The following DNTT variants were observed in gnomAD, a reference collection of about 807,000 sequenced individuals.
The protein encoded by DNTT is nucleosidetriphosphate:DNA deoxynucleotidylexotransferase.
A neutral mutation model predicts 60.9 loss-of-function variants in DNTT; 47 were observed. That is an observed-to-expected ratio of 0.77 (90% CI 0.61 to 0.98). The LOEUF (loss-of-function observed/expected upper bound fraction) is 0.98. Among genes scored for constraint, DNTT ranks in the 50% least tolerant of loss-of-function variants. The probability of loss-of-function intolerance (pLI) is 0.00; values close to 1 mark genes in which losing one functional copy is unlikely to be tolerated. For synonymous variants in DNTT, 224 were observed against 221.2 expected, an observed-to-expected ratio of 1.01 and a Z score of -0.11; for missense variants, 665 against 627.5, an observed-to-expected ratio of 1.06 and a Z score of -0.64.
chr10:96,320,751 T>C lies in DNTT; in HGVS notation c.641T>C (p.Ile214Thr). ...ATCAGTATGAAGGACACAGAAGGAA[T>C]TCCCTGCCTGGGGTCCAAGGTGAAG... is the stretch of plus-strand genomic sequence containing the variant. ...TIISMKDTEG[I>T]PCLGSKVKGI... The change falls in exon 4 of 11, where the codon ATT becomes ACT. Residue 214 changes from isoleucine to threonine, a missense_variant. Transcript: ENST00000371174. The C allele has an allele frequency of 1.2e-6, 2 of 1,613,778 alleles. No individual in the cohort carries two copies. Among genetic ancestry groups the C allele is most frequent in the Non-Finnish European group, 1.7e-6 (2 of 1,179,746 alleles).
At chr10:96,309,609 C>CCA (rs1844685548) in intron 1 of DNTT, among the ~76,000 whole-genome samples, 1 of 152,202 alleles carries the variant, frequency 6.6e-6, no homozygotes, top group Non-Finnish European at 1.5e-5. Flanking sequence ...TTCTGTCTCA[C>CCA]TCATTATCCC....
At chr10:96,338,009 A>G in intron 10 of DNTT, 129 bp from the exon 11 acceptor site, 1 of 686,082 alleles carries the variant, frequency 1.5e-6, no homozygotes, top group Non-Finnish European at 2.4e-6. Flanking sequence ...TATACTCAGA[A>G]GCAGGGAATT....
At chr10:96,307,777 A>ATATATATT (rs768634575) in intron 1 of DNTT, among the ~76,000 whole-genome samples, 4 of 126,032 alleles carry the variant, frequency 3.2e-5, no homozygotes, top group African/African-American at 1.2e-4. Flanking sequence ...ATATATATAT[A>ATATATATT]TTTTTTTTTT....
intron 4 of DNTT, among the ~76,000 whole-genome samples, chr10:96,322,165 G>A (rs1048875202): frequency 7.2e-5 from 11 of 152,170 alleles, no homozygotes; most frequent in Non-Finnish European, 1.5e-4. Flanking sequence ...GTAAGTTTCT[G>A]TATAGTCAAG....
At chr10:96,337,447 C>T (rs555653481) in intron 10 of DNTT, among the ~76,000 whole-genome samples, 38 of 152,326 alleles carry the variant, frequency 2.5e-4, no homozygotes, top group African/African-American at 8.9e-4. Context: ...GCTGTGGATG[C>T]TGGCAGGAAA....
At chr10:96,313,159 T>A (rs1844740419) in intron 1 of DNTT, among the ~76,000 whole-genome samples, 1 of 152,202 alleles carries the variant, frequency 6.6e-6, no homozygotes, top group Non-Finnish European at 1.5e-5. Context: ...TCCAAAGCAC[T>A]AACAATCGGT....
intron 1 of DNTT, among the ~76,000 whole-genome samples, chr10:96,314,321 C>G (rs534811956): frequency 1.4e-3 from 207 of 149,042 alleles, no homozygotes; most frequent in African/African-American, 4.7e-3. Flanking sequence ...TTGATGAGAA[C>G]AGCCATAGGA....
At chr10:96,337,617 G>T (rs769189236) in intron 10 of DNTT, among the ~76,000 whole-genome samples, 13 of 152,222 alleles carry the variant, frequency 8.5e-5, no homozygotes, top group Non-Finnish European at 1.3e-4. Flanking sequence ...AGAGCTGCTT[G>T]GTCTTAAAGA....
intron 1 of DNTT, chr10:96,306,813 A>C (rs1844643951): frequency 6.6e-6 from 1 of 152,264 alleles, no homozygotes; most frequent in African/African-American, 2.4e-5. Context: ...CATTAAATAC[A>C]AATGTGCTCT....
chr10:96,320,604 G>C lies in DNTT; in HGVS notation c.508-14G>C. 1.2e-6 allele frequency: 2 copies of C among 1,612,980 alleles called. No homozygotes were observed. The highest frequency in any genetic ancestry group is 1.7e-6 in the Non-Finnish European group (2 of 1,179,318). On this transcript the variant is annotated splice_polypyrimidine_tract_variant and intron_variant, in intron 3 of 10. Transcript: ENST00000371174. ...TGGAAGCAAATCTCCTGCTTATCTG[G>C]TTTTATCCTGCAGGATGCCTTTGAT...
intron 1 of DNTT, among the ~76,000 whole-genome samples, chr10:96,309,539 T>C (rs1844683852): frequency 6.6e-6 from 1 of 152,244 alleles, no homozygotes; most frequent in Non-Finnish European, 1.5e-5. Context: ...TGGTCTAGTT[T>C]TATCTAAACT....
intron 7 of DNTT, among the ~76,000 whole-genome samples, chr10:96,328,152 G>A (rs2133992829): frequency 6.6e-6 from 1 of 152,338 alleles, no homozygotes; most frequent in African/African-American, 2.4e-5. Flanking sequence ...TCATGAATGA[G>A]TGAACGCTTC....
chr10:96,334,837 G>A (rs997416607), intron 9 of DNTT, among the ~76,000 whole-genome samples: 1 of 152,218 alleles, frequency 6.6e-6, no homozygotes, highest in Non-Finnish European at 1.5e-5. Context: ...TGCCAGTTAA[G>A]CATCACTGGC....
intron 1 of DNTT, among the ~76,000 whole-genome samples, chr10:96,312,918 G>A (rs762681756): frequency 9.9e-5 from 15 of 152,036 alleles, no homozygotes; most frequent in Admixed American, 2.6e-4. Context: ...CCAGTCTACC[G>A]TCATCTTTTT....
At chr10:96,317,067 T>A (rs1452847816) in intron 1 of DNTT, among the ~76,000 whole-genome samples, 3 of 152,224 alleles carry the variant, frequency 2.0e-5, no homozygotes, top group Admixed American at 2.0e-4. Context: ...TGCTTGGGTA[T>A]GCTGTGTGCT....
intron 1 of DNTT, among the ~76,000 whole-genome samples, chr10:96,311,967 T>C (rs1844724175): frequency 6.6e-6 from 1 of 152,228 alleles, no homozygotes; most frequent in Admixed American, 6.5e-5. Context: ...TAATTGTCCC[T>C]AAACTGACTC....
At chr10:96,335,663 G>A (rs1845058773) in intron 9 of DNTT, among the ~76,000 whole-genome samples, 1 of 152,220 alleles carries the variant, frequency 6.6e-6, no homozygotes, top group Non-Finnish European at 1.5e-5. Context: ...CTATTTGAGG[G>A]AATACAGTTG....
At chr10:96,336,091 CTATTTCCAGTTCATCATAGTTG>C in intron 10 of DNTT, 117 bp downstream of exon 10, 3 of 991,478 alleles carry the variant, frequency 3.0e-6, no homozygotes, top group Non-Finnish European at 4.8e-6. Context: ...CATGCGTGTT[CTATTTCCAGTTCATCATAGTTG>C]AGGGCAGCAA....
Position 96,327,564 on chromosome 10 carries a change from C to G in DNTT, c.971C>G (p.Pro324Arg), listed in dbSNP as rs925682783. 5 of 1,613,970 alleles carry G rather than the reference C, an allele frequency of 3.1e-6. No individual in the cohort carries two copies. Among genetic ancestry groups the G allele is most frequent in the Non-Finnish European group, 4.2e-6 (5 of 1,179,946 alleles). Residue 324 changes from proline (P) to arginine (R), a missense_variant, in exon 7 of 11, where the codon CCG becomes CGG. Pro to Arg is a moderately radical substitution (Grantham distance 103). Coordinates refer to ENST00000371174, the MANE Select transcript of DNTT (RefSeq NM_004088.4). ...LVKEAVWAFL[P>R]DAFVTMTGGF... ...AAAGAGGCTGTCTGGGCATTTCTTCCGGATGCTTTCGTCACCATGACAGGA... is the reference window on the plus strand; with the variant it reads ...AAAGAGGCTGTCTGGGCATTTCTTCGGGATGCTTTCGTCACCATGACAGGA...
Sources: allele counts gnomAD v4.1 joint callset (sites outside exome capture counted in the v4.1 genomes callset), GRCh38; gene constraint gnomAD v4.1.1; transcripts MANE v1.5; gene names NCBI Gene and HGNC (gene_info 2026-07-23, HGNC 2026-07-21).